The following OR51E2 variants were observed in gnomAD, a reference collection of about 807,000 sequenced individuals.
OR51E2 encodes the protein olfactory receptor family 51 subfamily E member 2, also known as olfactory receptor 51E2.
A neutral mutation model predicts 13.7 loss-of-function variants in OR51E2; 14 were observed. The observed-to-expected ratio is 1.02, with a 90% CI of 0.68 to 1.60. OR51E2 has a LOEUF of 1.60. OR51E2 is among the 40% of genes most tolerant of loss of function. OR51E2 has a pLI of 0.00. For missense variants in OR51E2, 483 were observed against 413.8 expected, an observed-to-expected ratio of 1.17 and a Z score of -1.45; for synonymous variants, 180 against 157.6, an observed-to-expected ratio of 1.14 and a Z score of -1.07.
chr11:4,693,611 C>T (rs1211090565), intron 1 of OR51E2, among the ~76,000 whole-genome samples: 2 of 152,094 alleles, frequency 1.3e-5, no homozygotes, highest in African/African-American at 4.8e-5. Flanking sequence ...GTTCCAGCTA[C>T]TGGGGAGGCT....
chr11:4,695,581 G>T (rs1329093802), intron 1 of OR51E2, among the ~76,000 whole-genome samples: 1 of 152,100 alleles, frequency 6.6e-6, no homozygotes, highest in African/African-American at 2.4e-5. Flanking sequence ...TTCACCTTCA[G>T]TAACAATCTG....
intron 1 of OR51E2, chr11:4,691,528 C>T (rs567587608): frequency 2.8e-5 from 13 of 456,688 alleles, no homozygotes; most frequent in South Asian, 1.2e-4. Context: ...TACATTGGTT[C>T]GTGGAGGCTG....
chr11:4,684,277 G>A (rs1320962027), intron 1 of OR51E2, among the ~76,000 whole-genome samples: 2 of 152,146 alleles, frequency 1.3e-5, no homozygotes, highest in Non-Finnish European at 2.9e-5. Context: ...TTGGCTCCCA[G>A]TTGCTATCAG....
chr11:4,690,987 G>T (rs756467839), intron 1 of OR51E2: 8 of 454,790 alleles, frequency 1.8e-5, no homozygotes, highest in South Asian at 1.1e-4. Context: ...TGTACTGAAG[G>T]TTTCCTTCCT....
At chr11:4,687,725 G>C (rs1306940711) in intron 1 of OR51E2, among the ~76,000 whole-genome samples, 1 of 152,108 alleles carries the variant, frequency 6.6e-6, no homozygotes, top group South Asian at 2.1e-4. Context: ...AGTTTGTTGT[G>C]GGGAGAATGG....
rs1847441544 is a variant in OR51E2 at position 4,680,846 on chromosome 11, T to C, written c.*903A>G. On this transcript the variant is annotated 3_prime_UTR_variant, in exon 2 of 2. Transcript: ENST00000396950. ...GCCCTGGCTTCCATAAATTGTCAGC[T>C]TCATTTTCCCTGTTTCATTTGATAT... 1 of 152,208 alleles carries C rather than the reference T, an allele frequency of 6.6e-6. No individual in the cohort carries two copies. Among genetic ancestry groups the C allele is most frequent in the African/African-American group, 2.4e-5 (1 of 41,446 alleles). The allele number at this position is 152,208 out of a possible 1,614,324, so 9.4% of individuals were successfully genotyped here. A position where few individuals can be genotyped will look rare whatever the true frequency, so the allele number is the denominator to read the frequency against.
In OR51E2 at chr11:4,681,013, A is replaced by C. The variant is rs1006826298; in HGVS notation, c.*736T>G. 6.6e-6 allele frequency: 1 copy of C among 152,584 alleles called. No individual in the cohort carries two copies. The highest frequency in any genetic ancestry group is 2.4e-5 in the African/African-American group (1 of 41,460). 9.5% of individuals were successfully genotyped at this position (152,584 alleles called of 1,614,324 possible). On this transcript the variant is annotated 3_prime_UTR_variant, in exon 2 of 2. Transcript: ENST00000396950. Reference sequence around the variant, plus strand: ...CTCAGCTTTCCAGGCAGTGGGGGCTATAGGTGCACACCACCATGCGAAGCT... The same window carrying C: ...CTCAGCTTTCCAGGCAGTGGGGGCTCTAGGTGCACACCACCATGCGAAGCT...
chr11:4,687,073 A>G (rs1847525251), intron 1 of OR51E2, among the ~76,000 whole-genome samples: 1 of 152,092 alleles, frequency 6.6e-6, no homozygotes, highest in South Asian at 2.1e-4. Context: ...TCTATTTGCT[A>G]TCCTTTGTAG....
At chr11:4,682,970 T>C (rs1403520348) in intron 1 of OR51E2, among the ~76,000 whole-genome samples, 1 of 152,234 alleles carries the variant, frequency 6.6e-6, no homozygotes, top group Non-Finnish European at 1.5e-5. Context: ...GGGAGAGCAA[T>C]GCTTTTTCCA....
rs1345680785 is a variant in OR51E2 at position 4,694,509 on chromosome 11, C to CAT, written c.-51+3142_-51+3143dup. ...ACGTGTATATATATATATACACACA[C>CAT]ATATATATATATACACACACACATA... On this transcript the variant is annotated intron_variant, in intron 1 of 1. Coordinates refer to ENST00000396950, the MANE Select transcript of OR51E2 (RefSeq NM_030774.4). Among the ~76,000 whole-genome samples, 11 of 124,516 alleles carry CAT rather than the reference C, an allele frequency of 8.8e-5. No homozygotes were observed. In the South Asian group the frequency reaches 1.8e-3, roughly 20 times the overall value. 81.7% of individuals were successfully genotyped at this position (124,516 alleles called of 152,430 possible).
Position 4,682,061 on chromosome 11 carries a change from A to G in OR51E2, c.651T>C (p.Tyr217=). The change falls in exon 2 of 2, where the codon TAT becomes TAC. Residue 217 remains tyrosine (Y), a synonymous_variant. Coordinates refer to ENST00000396950, the MANE Select transcript of OR51E2 (RefSeq NM_030774.4). ...GVDVMFISLS[Y]FLIIRTVLQL... The stretch of plus-strand genomic sequence containing the variant: ...GCAGAACCGTTCGTATTATCAGAAA[A>G]TAGGACAAGGAGATGAACATTACGT... 6.2e-7 allele frequency: 1 copy of G among 1,614,230 alleles called. No individual in the cohort carries two copies. The highest frequency in any genetic ancestry group is 8.5e-7 in the Non-Finnish European group (1 of 1,180,050).
At chr11:4,696,612 G>A (rs965006876) in intron 1 of OR51E2, among the ~76,000 whole-genome samples, 5 of 152,110 alleles carry the variant, frequency 3.3e-5, no homozygotes, top group Non-Finnish European at 5.9e-5. Flanking sequence ...CTTAGAAGGA[G>A]GCACTAAATT....
rs530030025 is a variant in OR51E2 at position 4,681,145 on chromosome 11, A to G, written c.*604T>C. On this transcript the variant is annotated 3_prime_UTR_variant, in exon 2 of 2. Coordinates refer to ENST00000396950, the MANE Select transcript of OR51E2 (RefSeq NM_030774.4). ...GGCGGGTGGATCACAAGGTCAGGAGATCGAGACCATCCTGGCCAACATGGT... is the reference window on the plus strand; with the variant it reads ...GGCGGGTGGATCACAAGGTCAGGAGGTCGAGACCATCCTGGCCAACATGGT... 1 of 156,242 alleles carries G rather than the reference A, an allele frequency of 6.4e-6. No individual in the cohort carries two copies. Among genetic ancestry groups the G allele is most frequent in the East Asian group, 1.9e-4 (1 of 5,268 alleles). The allele number at this position is 156,242 out of a possible 1,614,324, so 9.7% of individuals were successfully genotyped here. A position where few individuals can be genotyped will look rare whatever the true frequency, so the allele number is the denominator to read the frequency against.
At chr11:4,687,158 A>G (rs982514443) in intron 1 of OR51E2, among the ~76,000 whole-genome samples, 3 of 151,592 alleles carry the variant, frequency 2.0e-5, no homozygotes, top group Non-Finnish European at 4.4e-5. Context: ...CCATCTTTCC[A>G]CTTTGGACCT....
chr11:4,684,549 G>C (rs1170778480), intron 1 of OR51E2, among the ~76,000 whole-genome samples: 2 of 152,128 alleles, frequency 1.3e-5, no homozygotes, highest in Non-Finnish European at 2.9e-5. Flanking sequence ...GGAGAGCAAG[G>C]GGAACACAGG....
chr11:4,683,984 A>G (rs572409399), intron 1 of OR51E2, among the ~76,000 whole-genome samples: 4 of 152,330 alleles, frequency 2.6e-5, no homozygotes, highest in African/African-American at 9.6e-5. Context: ...CCAACCCCAG[A>G]ATTCTTCACT....
In OR51E2 at chr11:4,682,512, G is replaced by T; in HGVS notation, c.200C>A (p.Ala67Asp). 1 of 1,614,192 alleles carries T rather than the reference G, an allele frequency of 6.2e-7. No individual in the cohort carries two copies. Among genetic ancestry groups the T allele is most frequent in the Non-Finnish European group, 8.5e-7 (1 of 1,180,022 alleles). ...PMYLFLCMLA[A>D]IDLALSTSTM... ...GGATGTGGATAAGGCCAGGTCAATG[G>T]CTGCAAGCATGCAGAGAAAGAGGTA... The change falls in exon 2 of 2, where the codon GCC becomes GAC. Residue 67 changes from alanine (A) to aspartate (D), a missense_variant. Physicochemically the swap from Ala to Asp is moderately radical, Grantham distance 126. Transcript: ENST00000396950.
At chr11:4,690,530 T>G (rs1486099640) in intron 1 of OR51E2, 1 of 206,972 alleles carries the variant, frequency 4.8e-6, no homozygotes, top group Non-Finnish European at 9.9e-6. Flanking sequence ...TATATAAGGC[T>G]AATTTTAGGC....
At chr11:4,690,101 T>C (rs1847559450) in intron 1 of OR51E2, among the ~76,000 whole-genome samples, 1 of 149,604 alleles carries the variant, frequency 6.7e-6, no homozygotes, top group African/African-American at 2.4e-5. Context: ...ATATTATAGG[T>C]AGCAATATAA....
Sources: allele counts gnomAD v4.1 joint callset (sites outside exome capture counted in the v4.1 genomes callset), GRCh38; gene constraint gnomAD v4.1.1; transcripts MANE v1.5; gene names NCBI Gene and HGNC (gene_info 2026-07-23, HGNC 2026-07-21).